Variants in HRH1 observed in about 807,000 individuals in gnomAD.
The protein encoded by HRH1 is histamine receptor H1.
A neutral mutation model predicts 10.3 loss-of-function variants in HRH1; 6 were observed. The observed-to-expected ratio is 0.58, with a 90% CI of 0.32 to 1.15. The LOEUF (loss-of-function observed/expected upper bound fraction) is 1.15. HRH1 is among the 50% of genes most tolerant of loss of function. HRH1 has a pLI of 0.05. For synonymous variants in HRH1, 242 were observed against 236.7 expected (o/e 1.02, Z -0.21); for missense variants, 514 against 615.3 (o/e 0.84, Z 1.74).
intron 1 of HRH1, among the ~76,000 whole-genome samples, chr3:11,183,273 C>A (rs181693525): frequency 2.8e-4 from 42 of 152,334 alleles, no homozygotes; most frequent in Non-Finnish European, 4.7e-4. Flanking sequence ...GGCTGATCTG[C>A]TTCCTCACGG....
intron 1 of HRH1, among the ~76,000 whole-genome samples, chr3:11,217,555 G>C (rs1228899078): frequency 6.6e-6 from 1 of 151,956 alleles, no homozygotes; most frequent in Non-Finnish European, 1.5e-5. Flanking sequence ...GAAGTGGAAT[G>C]GTGAGTGCCA....
At chr3:11,173,741 T>C (rs1223536942) in intron 1 of HRH1, among the ~76,000 whole-genome samples, 1 of 152,206 alleles carries the variant, frequency 6.6e-6, no homozygotes, top group Admixed American at 6.5e-5. Context: ...TCTTTTTTCA[T>C]ATAACATAGA....
intron 1 of HRH1, among the ~76,000 whole-genome samples, chr3:11,175,269 G>A (rs1046936543): frequency 2.6e-5 from 4 of 152,210 alleles, no homozygotes; most frequent in Admixed American, 1.3e-4. Context: ...AGGAAGTTAA[G>A]GATCAGCAAG....
intron 1 of HRH1, among the ~76,000 whole-genome samples, chr3:11,205,593 A>G (rs983444466): frequency 6.6e-6 from 1 of 152,046 alleles, no homozygotes; most frequent in Non-Finnish European, 1.5e-5. Flanking sequence ...GTACATTTTC[A>G]TGAGCTCTCC....
chr3:11,228,633 T>A (rs544062438), intron 1 of HRH1, among the ~76,000 whole-genome samples: 104 of 151,230 alleles, frequency 6.9e-4, no homozygotes, highest in Non-Finnish European at 9.3e-4. Flanking sequence ...TAGAATATAG[T>A]GGGCCGAGCA....
In HRH1 at chr3:11,259,789, C is replaced by T; in HGVS notation, c.752C>T (p.Pro251Leu). The change falls in exon 2 of 2, where the codon CCA (proline) becomes CTA (leucine). Residue 251 changes from proline (P) to leucine (L), a missense_variant. Physicochemically the swap from Pro to Leu is moderately conservative, Grantham distance 98. Transcript: ENST00000431010. This position sits in a 1 kb window ranked among gnomAD's most constrained non-coding sequence, Gnocchi z 4.6. ...AACCCCAAGGGGGATGCCAAGAAAC[C>T]AGGGAAGGAGTCTCCCTGGGAGGTT... ...PENPKGDAKK[P>L]GKESPWEVLK... 2 of 1,613,906 alleles carry T rather than the reference C, an allele frequency of 1.2e-6. No homozygotes were observed. Among genetic ancestry groups the T allele is most frequent in the Non-Finnish European group, 1.7e-6 (2 of 1,179,988 alleles).
rs910199557 is a variant in HRH1, at chr3:11,260,738, C to T, written c.*237C>T. On this transcript the variant is annotated 3_prime_UTR_variant, in exon 2 of 2. Transcript: ENST00000431010. Reference sequence around the variant, plus strand: ...CAGAATCTTTGCAAGAAAGTCAGACCTGTTTCTTGTAACTGGGTTCAAAAA... The same window carrying T: ...CAGAATCTTTGCAAGAAAGTCAGACTTGTTTCTTGTAACTGGGTTCAAAAA... 2 of 476,092 alleles carry T rather than the reference C, an allele frequency of 4.2e-6. No homozygotes were observed. The highest frequency in any genetic ancestry group is 5.5e-5 in the South Asian group (1 of 18,124). The allele number at this position is 476,092 out of a possible 1,614,324, so 29.5% of individuals were successfully genotyped here.
rs1240266771 is a variant in HRH1, at chr3:11,259,877, C to G, written c.840C>G (p.Pro280=). ...GSVLKSPSQT[P]KEMKSPVVFS... is the part of the protein sequence containing the mutation. ...TCTTGAAGTCACCATCCCAAACCCC[C>G]AAGGAGATGAAATCCCCAGTTGTCT... The change falls in exon 2 of 2, where the codon CCC becomes CCG. Residue 280 remains proline, a synonymous_variant. Transcript: ENST00000431010. The surrounding 1 kb of genome is among the most constrained non-coding windows in gnomAD (Gnocchi z 4.6). 1 of 1,614,100 alleles carries G rather than the reference C, an allele frequency of 6.2e-7. No individual in the cohort carries two copies. The highest frequency in any genetic ancestry group is 1.3e-5 in the African/African-American group (1 of 75,026).
intron 1 of HRH1, among the ~76,000 whole-genome samples, chr3:11,220,699 AC>A (rs1219633768): frequency 6.6e-6 from 1 of 152,168 alleles, no homozygotes; most frequent in Non-Finnish European, 1.5e-5. Flanking sequence ...GCTGCGCTGA[AC>A]TTAAAGAACA....
At position 11,139,678 on chromosome 3, in the gene HRH1, TA is replaced by T. The variant is rs139240282; in HGVS notation, c.-36+2284del. On this transcript the variant is annotated intron_variant, in intron 1 of 1. Transcript: ENST00000438284. ...CACACAATGCGATATTATCGAGCCATAAAAAGGAATGAAGTACAGACACATA... is the reference window on the plus strand; with the variant it reads ...CACACAATGCGATATTATCGAGCCATAAAAGGAATGAAGTACAGACACATA... Among the ~76,000 whole-genome samples the T allele has an allele frequency of 5.5e-3, 831 of 152,132 alleles. 7 individuals carry two copies. Among genetic ancestry groups the T allele is most frequent in the African/African-American group, 0.019 (787 of 41,486 alleles).
chr3:11,239,033 G>A (rs576642302), intron 1 of HRH1, among the ~76,000 whole-genome samples: 15 of 152,336 alleles, frequency 9.8e-5, no homozygotes, highest in Non-Finnish European at 1.6e-4. Context: ...ATATCTAGGT[G>A]TGGAATCACT....
chr3:11,252,514 G>A lies in HRH1; in HGVS notation c.-35-6489G>A, dbSNP rs779299779. On this transcript the variant is annotated intron_variant, in intron 1 of 1. Transcript: ENST00000431010. ...CTCCGTAAACCCCCGGGGTAAGACT[G>A]TCCATCAGTATTGCTGTTTTCAACC... is the stretch of plus-strand genomic sequence containing the variant. Among the ~76,000 whole-genome samples, 48 of 152,262 alleles carry A rather than the reference G, an allele frequency of 3.2e-4. 2 individuals are homozygous for A. The Middle Eastern group carries it at 0.02, about 65-fold the overall frequency.
chr3:11,153,913 G>A (rs902544485), upstream of HRH1, among the ~76,000 whole-genome samples: 1 of 152,108 alleles, frequency 6.6e-6, no homozygotes. Flanking sequence ...TTAGTTCCCC[G>A]AAACCTCTAG....
At position 11,260,128 on chromosome 3, in the gene HRH1, A is replaced by T; in HGVS notation, c.1091A>T (p.Asp364Val). 1 of 1,614,158 alleles carries T rather than the reference A, an allele frequency of 6.2e-7. No homozygotes were observed. Among genetic ancestry groups the T allele is most frequent in the Non-Finnish European group, 8.5e-7 (1 of 1,180,036 alleles). The change falls in exon 2 of 2, where the codon GAT (aspartate) becomes GTT (valine). Residue 364 changes from aspartate to valine, a missense_variant. By Grantham distance (152) the Asp-to-Val change is radical. Coordinates refer to ENST00000431010, the MANE Select transcript of HRH1 (RefSeq NM_001098212.2). ...CAATCCTTCTCTCGAACGGACTCAG[A>T]TACCACCACAGAGACAGCACCAGGC... ...DSQSFSRTDS[D>V]TTTETAPGKG...
rs1037245498 is a variant in HRH1 at position 11,175,703 on chromosome 3, C to T, written c.-36+21149C>T. On this transcript the variant is annotated intron_variant, in intron 1 of 1. Transcript: ENST00000431010. ...GAAGATTTTCTGAAGCAGTCAGATG[C>T]CTGTAACCACATCTAGAATCAGGTT... 3.3e-5 allele frequency among the ~76,000 whole-genome samples: 5 copies of T among 152,310 alleles called. No individual in the cohort carries two copies. In the East Asian group the frequency reaches 9.6e-4, roughly 29 times the overall value.
chr3:11,183,247 G>C (rs1056129967), intron 1 of HRH1, among the ~76,000 whole-genome samples: 17 of 152,178 alleles, frequency 1.1e-4, no homozygotes, highest in Non-Finnish European at 2.2e-4. Flanking sequence ...ATTCCTTGGG[G>C]CTGTCCTGTA....
chr3:11,139,970 T>G (rs1009503294), intron 1 of HRH1, among the ~76,000 whole-genome samples: 2 of 152,208 alleles, frequency 1.3e-5, no homozygotes, highest in Admixed American at 1.3e-4. Context: ...AAATGGTAGA[T>G]TCTATGTTAT....
At chr3:11,173,854 T>C (rs744656) in intron 1 of HRH1, among the ~76,000 whole-genome samples, 2,195 of 152,302 alleles carry the variant, frequency 0.014, 66 homozygotes, top group African/African-American at 0.051. Context: ...GAGCCAGGAT[T>C]CAGTCCAAAG....
chr3:11,222,363 T>C (rs1241150086), intron 1 of HRH1, among the ~76,000 whole-genome samples: 1 of 152,230 alleles, frequency 6.6e-6, no homozygotes, highest in Non-Finnish European at 1.5e-5. Flanking sequence ...GACTCTGTGA[T>C]TGTTTTCACA....
Sources: allele counts gnomAD v4.1 joint callset (sites outside exome capture counted in the v4.1 genomes callset), GRCh38; gene constraint gnomAD v4.1.1; non-coding constraint Gnocchi (gnomAD v3.1); transcripts MANE v1.5; gene names NCBI Gene and HGNC (gene_info 2026-07-23, HGNC 2026-07-21).